Variants in C12orf50 observed in about 807,000 individuals in gnomAD.
C12orf50 encodes the protein zinc finger CCCH-type containing 11D.
A neutral mutation model predicts 61.6 loss-of-function variants in C12orf50; 35 were observed. The ratio of observed to expected loss-of-function variants is 0.57; its 90% CI spans 0.43 to 0.75. The LOEUF is 0.75. C12orf50 is among the 30% of genes least tolerant of loss of function. C12orf50 has a pLI of 0.00. For missense variants in C12orf50, 475 were observed against 488.5 expected (o/e 0.97, Z 0.26); for synonymous variants, 178 against 161.5 (o/e 1.10, Z -0.77).
At chr12:87,996,997 A>G (rs769081070) in intron 4 of C12orf50, among the ~76,000 whole-genome samples, 1 of 152,182 alleles carries the variant, frequency 6.6e-6, no homozygotes, top group Non-Finnish European at 1.5e-5. Context: ...TGTACTCCTA[A>G]GCACAGAAAC....
chr12:88,020,696 T>G (rs750232487), intron 3 of C12orf50, among the ~76,000 whole-genome samples: 5 of 152,026 alleles, frequency 3.3e-5, no homozygotes, highest in Non-Finnish European at 7.4e-5. Context: ...TTAATAAACA[T>G]CTACAGAACT....
At chr12:88,018,242 C>T (rs1312185845) in intron 3 of C12orf50, among the ~76,000 whole-genome samples, 1 of 152,164 alleles carries the variant, frequency 6.6e-6, no homozygotes. Flanking sequence ...CCAGTCACTC[C>T]AATCACGGCT....
At chr12:87,994,453 G>T (rs115304642) in intron 7 of C12orf50, among the ~76,000 whole-genome samples, 180 bp downstream of exon 7, 96 of 151,968 alleles carry the variant, frequency 6.3e-4, no homozygotes, top group African/African-American at 2.2e-3. Flanking sequence ...ACACAAATTC[G>T]CACAAGGTAT....
chr12:88,010,528 C>T (rs1029679658), intron 3 of C12orf50, among the ~76,000 whole-genome samples: 2 of 149,054 alleles, frequency 1.3e-5, no homozygotes, highest in African/African-American at 4.9e-5. Flanking sequence ...ATCATTACGG[C>T]AAGATGTCAT....
intron 10 of C12orf50, 53 bp from the exon 11 acceptor site, chr12:87,986,106 C>G: frequency 1.3e-6 from 2 of 1,536,942 alleles, no homozygotes; most frequent in Non-Finnish European, 1.8e-6. Context: ...GTTTCACACC[C>G]ATAAATAACA....
At chr12:88,000,576 A>G (rs1383592332) in intron 3 of C12orf50, among the ~76,000 whole-genome samples, 2 of 151,964 alleles carry the variant, frequency 1.3e-5, no homozygotes, top group African/African-American at 2.4e-5. Flanking sequence ...AATTTCTGCA[A>G]ATAGGTCCAT....
intron 11 of C12orf50, chr12:87,985,198 A>G (rs1010388910): frequency 7.9e-5 from 12 of 152,322 alleles, no homozygotes; most frequent in African/African-American, 2.9e-4. Context: ...GAAATCATAT[A>G]GAATTGAGCA....
chr12:88,018,325 G>A (rs1007106703), intron 3 of C12orf50, among the ~76,000 whole-genome samples: 3 of 152,210 alleles, frequency 2.0e-5, no homozygotes, highest in Admixed American at 6.5e-5. Context: ...GCTTCCATGT[G>A]GTGTTGAGAC....
intron 3 of C12orf50, among the ~76,000 whole-genome samples, chr12:88,009,701 C>A (rs1303794528): frequency 6.6e-6 from 1 of 152,086 alleles, no homozygotes; most frequent in Admixed American, 6.5e-5. Flanking sequence ...AAAACCTATT[C>A]CATTAGGTTC....
chr12:88,017,951 A>G (rs148515725), intron 3 of C12orf50, among the ~76,000 whole-genome samples: 27 of 152,366 alleles, frequency 1.8e-4, no homozygotes, highest in African/African-American at 4.6e-4. Flanking sequence ...AAAAGAAAAC[A>G]GCATAAAAGT....
At chr12:87,988,142 A>C (rs2136409912) in intron 8 of C12orf50, among the ~76,000 whole-genome samples, 176 bp from the exon 9 acceptor site, 1 of 152,284 alleles carries the variant, frequency 6.6e-6, no homozygotes, top group East Asian at 1.9e-4. Context: ...CGTGGATTTC[A>C]AAATGTCATG....
intron 8 of C12orf50, 76 bp downstream of exon 8, chr12:87,989,188 T>C: frequency 9.5e-7 from 1 of 1,048,536 alleles, no homozygotes; most frequent in Non-Finnish European, 1.4e-6. Context: ...CTCTATTGGT[T>C]TTTATAACAA....
chr12:88,027,051 CGG>C lies in C12orf50; in HGVS notation c.-91_-90del, dbSNP rs779360604. The C allele has an allele frequency of 1.4e-5, 22 of 1,611,678 alleles. No homozygotes were observed. The highest frequency in any genetic ancestry group is 5.3e-5 in the African/African-American group (4 of 74,776). ...ACTGCCAAGGGCCTCTTCACAGTGTCGGAATCGGCACTGGGAACCCTAAAAGA... is the reference window on the plus strand; with the variant it reads ...ACTGCCAAGGGCCTCTTCACAGTGTCAATCGGCACTGGGAACCCTAAAAGA... On this transcript the variant is annotated 5_prime_UTR_variant, in exon 2 of 13. Coordinates refer to ENST00000298699, the MANE Select transcript of C12orf50 (RefSeq NM_152589.3).
chr12:87,982,952 C>A (rs73205207), intron 12 of C12orf50, 151 bp downstream of exon 12: 5,322 of 416,374 alleles, frequency 0.013, 63 homozygotes, highest in Non-Finnish European at 0.017. Flanking sequence ...TACTAGTAGA[C>A]AAGATATCTA....
At chr12:87,998,807 C>A (rs952266949) in intron 3 of C12orf50, among the ~76,000 whole-genome samples, 10 of 152,242 alleles carry the variant, frequency 6.6e-5, no homozygotes, top group African/African-American at 2.4e-4. Context: ...TTATATGAAT[C>A]AATTTATGCT....
intron 3 of C12orf50, among the ~76,000 whole-genome samples, chr12:88,014,908 A>G (rs965340244): frequency 6.6e-6 from 1 of 152,260 alleles, no homozygotes; most frequent in Non-Finnish European, 1.5e-5. Context: ...CTGCAAGTTT[A>G]TAAGTCCTAA....
intron 3 of C12orf50, among the ~76,000 whole-genome samples, chr12:88,024,812 G>A (rs1481483468): frequency 6.6e-6 from 1 of 152,170 alleles, no homozygotes. Flanking sequence ...AAGAGAATGT[G>A]TCCTGCAAGC....
At chr12:88,009,889 T>G (rs954778156) in intron 3 of C12orf50, among the ~76,000 whole-genome samples, 4 of 152,160 alleles carry the variant, frequency 2.6e-5, no homozygotes, top group African/African-American at 9.6e-5. Context: ...TCATATTCTC[T>G]GAAATGGTCA....
chr12:88,006,143 C>T (rs892930193), intron 3 of C12orf50, among the ~76,000 whole-genome samples: 1 of 152,020 alleles, frequency 6.6e-6, no homozygotes, highest in African/African-American at 2.4e-5. Context: ...GTCTCGATCT[C>T]CTGACCTCGT....
Sources: gnomAD v4.1 joint callset for allele counts (sites outside exome capture counted in the v4.1 genomes callset) on GRCh38, gnomAD v4.1.1 for gene constraint, MANE v1.5 for transcripts, NCBI Gene and HGNC (gene_info 2026-07-23, HGNC 2026-07-21) for gene names.